Variants in PCDH15 observed in about 807,000 individuals in gnomAD.
The protein encoded by PCDH15 is protocadherin related 15.
PCDH15 carries 129 observed loss-of-function variants against 178.5 expected under a neutral mutation model. The observed-to-expected ratio is 0.72, with a 90% CI of 0.63 to 0.84. PCDH15 has a LOEUF of 0.84. PCDH15 is among the 40% of genes least tolerant of loss of function. The pLI, the probability that PCDH15 is intolerant of heterozygous loss-of-function variation, is 0.00. For synonymous variants in PCDH15, 800 were observed against 732.0 expected (o/e 1.09, Z -1.50); for missense variants, 2,230 against 2,099.9 (o/e 1.06, Z -1.21).
At chr10:54,059,593 C>T (rs2093972474) in intron 18 of PCDH15, among the ~76,000 whole-genome samples, 1 of 152,188 alleles carries the variant, frequency 6.6e-6, no homozygotes, top group Non-Finnish European at 1.5e-5. Context: ...ACACAGATTT[C>T]TGGCCCCAAC....
At chr10:54,414,828 G>A (rs1818434337) in intron 3 of PCDH15, among the ~76,000 whole-genome samples, 1 of 152,024 alleles carries the variant, frequency 6.6e-6, no homozygotes. Flanking sequence ...TTAATACCAT[G>A]ATATAAGATT....
chr10:55,458,242 C>T (rs1433021276), intron 2 of PCDH15, among the ~76,000 whole-genome samples: 1 of 151,886 alleles, frequency 6.6e-6, no homozygotes, highest in Non-Finnish European at 1.5e-5. Flanking sequence ...TTGTGAATAT[C>T]TTCTCCCTTT....
At chr10:54,792,125 A>G (rs528898018) in intron 1 of PCDH15, among the ~76,000 whole-genome samples, 4 of 151,980 alleles carry the variant, frequency 2.6e-5, no homozygotes, top group Admixed American at 2.0e-4. Context: ...TCCAAAATGG[A>G]CTGGAATATA....
intron 3 of PCDH15, among the ~76,000 whole-genome samples, chr10:54,422,632 C>T (rs747858387): frequency 2.0e-5 from 3 of 152,096 alleles, no homozygotes; most frequent in Admixed American, 6.6e-5. Flanking sequence ...TTGACAATTG[C>T]AAAGGCTTCC....
At chr10:54,525,537 CCCTCCTGG>C (rs1169167455) in intron 3 of PCDH15, among the ~76,000 whole-genome samples, 1 of 152,162 alleles carries the variant, frequency 6.6e-6, no homozygotes, top group Non-Finnish European at 1.5e-5. Context: ...CTACAACCTC[CCCTCCTGG>C]CCTCCCAGGT....
At chr10:53,813,965 C>CA (rs2075970833) in intron 35 of PCDH15, among the ~76,000 whole-genome samples, 2 of 151,798 alleles carry the variant, frequency 1.3e-5, no homozygotes, top group South Asian at 4.2e-4. Flanking sequence ...TTTATTTCAA[C>CA]AAAAATATAT....
chr10:53,918,857 A>T (rs1161376705), intron 25 of PCDH15, among the ~76,000 whole-genome samples: 1 of 152,170 alleles, frequency 6.6e-6, no homozygotes, highest in Admixed American at 6.5e-5. Flanking sequence ...TATAGTTTGT[A>T]GGTCCAAATG....
At chr10:54,367,453 C>T (rs1447571661) in intron 5 of PCDH15, among the ~76,000 whole-genome samples, 1 of 151,998 alleles carries the variant, frequency 6.6e-6, no homozygotes, top group Non-Finnish European at 1.5e-5. Context: ...TCAAATTGAA[C>T]ATTATAAATT....
At chr10:55,186,900 G>A (rs1839814681) in intron 1 of PCDH15, among the ~76,000 whole-genome samples, 2 of 151,756 alleles carry the variant, frequency 1.3e-5, no homozygotes, top group Admixed American at 1.3e-4. Context: ...TTGGTATAGA[G>A]TTATGAAAGT....
chr10:54,418,692 T>C (rs921227825), intron 3 of PCDH15, among the ~76,000 whole-genome samples: 8 of 151,926 alleles, frequency 5.3e-5, no homozygotes, highest in Non-Finnish European at 1.2e-4. Context: ...TATTATTTGA[T>C]TTTTTAAAGA....
intron 28 of PCDH15, among the ~76,000 whole-genome samples, chr10:53,849,059 G>A (rs144348283): frequency 7.9e-5 from 12 of 152,064 alleles, no homozygotes; most frequent in Non-Finnish European, 1.6e-4. Context: ...AAATGAAAAT[G>A]TCCTCAATGT....
At chr10:54,481,244 T>C (rs1358795180) in intron 3 of PCDH15, among the ~76,000 whole-genome samples, 2 of 151,906 alleles carry the variant, frequency 1.3e-5, no homozygotes, top group Non-Finnish European at 2.9e-5. Context: ...CAAAAATTCT[T>C]ATATTACAAA....
At chr10:54,188,279 T>A (rs980016079) in intron 11 of PCDH15, among the ~76,000 whole-genome samples, 21 of 151,880 alleles carry the variant, frequency 1.4e-4, no homozygotes, top group African/African-American at 4.8e-4. Context: ...AGTCAACACT[T>A]GTATATTTGC....
intron 2 of PCDH15, among the ~76,000 whole-genome samples, chr10:55,114,805 A>G (rs1837591064): frequency 6.6e-6 from 1 of 152,198 alleles, no homozygotes; most frequent in South Asian, 2.1e-4. Context: ...TCCATCTCCA[A>G]GCTATTTTAA....
chr10:54,346,163 A>G (rs944176127), intron 6 of PCDH15, among the ~76,000 whole-genome samples: 6 of 152,228 alleles, frequency 3.9e-5, no homozygotes, highest in Non-Finnish European at 7.3e-5. Flanking sequence ...TTTAAACCTT[A>G]TCTAAAAATA....
intron 2 of PCDH15, among the ~76,000 whole-genome samples, chr10:54,537,767 T>C (rs2084743451): frequency 6.6e-6 from 1 of 152,166 alleles, no homozygotes; most frequent in Admixed American, 6.5e-5. Context: ...CTGTGCAGCA[T>C]TACCAGCATC....
intron 2 of PCDH15, among the ~76,000 whole-genome samples, chr10:55,016,249 T>C (rs1258559037): frequency 6.6e-6 from 1 of 152,126 alleles, no homozygotes; most frequent in Non-Finnish European, 1.5e-5. Flanking sequence ...TTTCTTTGTG[T>C]TAAAAACAAT....
chr10:55,557,629 T>C (rs967705958), intron 2 of PCDH15, among the ~76,000 whole-genome samples: 3 of 152,118 alleles, frequency 2.0e-5, no homozygotes, highest in African/African-American at 7.2e-5. Flanking sequence ...GACCAAGTAA[T>C]GGAGGTGAAA....
intron 1 of PCDH15, among the ~76,000 whole-genome samples, chr10:54,684,090 G>A (rs1013274275): frequency 6.6e-6 from 1 of 151,740 alleles, no homozygotes; most frequent in Non-Finnish European, 1.5e-5. Context: ...ATAAAATAGC[G>A]ATATTTTTCA....
Sources: gnomAD v4.1 joint callset for allele counts (sites outside exome capture counted in the v4.1 genomes callset) on GRCh38, gnomAD v4.1.1 for gene constraint, MANE v1.5 for transcripts, NCBI Gene and HGNC (gene_info 2026-07-23, HGNC 2026-07-21) for gene names.